The following CALN1 variants were observed in gnomAD, a reference collection of about 807,000 sequenced individuals.
The protein encoded by CALN1 is calneuron 1, also known as calcium-binding protein 8.
A neutral mutation model predicts 30.6 loss-of-function variants in CALN1; 17 were observed. The observed-to-expected ratio is 0.56, with a 90% CI of 0.38 to 0.83. The LOEUF (loss-of-function observed/expected upper bound fraction) is 0.83. CALN1 is among the 40% of genes least tolerant of loss of function. The pLI, the probability that CALN1 is intolerant of heterozygous loss-of-function variation, is 0.00. For missense variants in CALN1, 291 were observed against 354.9 expected, an observed-to-expected ratio of 0.82 and a Z score of 1.45; for synonymous variants, 156 against 131.4, an observed-to-expected ratio of 1.19 and a Z score of -1.28.
chr7:71,792,333 T>C (rs532174086), intron 6 of CALN1, among the ~76,000 whole-genome samples: 1 of 152,268 alleles, frequency 6.6e-6, no homozygotes, highest in African/African-American at 2.4e-5. Flanking sequence ...CTCACCAGTA[T>C]GATACTTGTG....
At chr7:71,921,837 G>A (rs1024292937) in intron 5 of CALN1, among the ~76,000 whole-genome samples, 1 of 135,950 alleles carries the variant, frequency 7.4e-6, no homozygotes, top group African/African-American at 2.8e-5. Flanking sequence ...CCCCCCCGCC[G>A]CCATCCTACC....
intron 5 of CALN1, among the ~76,000 whole-genome samples, chr7:71,822,077 G>C (rs1788627271): frequency 6.6e-6 from 1 of 151,398 alleles, no homozygotes; most frequent in African/African-American, 2.4e-5. Flanking sequence ...CCTTTCTTTT[G>C]GTTTTTAAAC....
chr7:72,028,058 CAAAAAAAAAAAAAA>C (rs34092922), intron 4 of CALN1, among the ~76,000 whole-genome samples: 20,711 of 84,286 alleles, frequency 0.25, 2,568 homozygotes, highest in East Asian at 0.49. Flanking sequence ...GACTCCGTCT[CAAAAAAAAAAAAAA>C]AAAAAAAAAA....
intron 4 of CALN1, among the ~76,000 whole-genome samples, chr7:72,031,124 C>T (rs1801410688): frequency 6.6e-6 from 1 of 152,166 alleles, no homozygotes; most frequent in African/African-American, 2.4e-5. Context: ...GATTCCAGCC[C>T]CAGCAGTCTG....
At chr7:72,144,872 C>T (rs959116671) in intron 3 of CALN1, among the ~76,000 whole-genome samples, 1 of 152,188 alleles carries the variant, frequency 6.6e-6, no homozygotes, top group African/African-American at 2.4e-5. Flanking sequence ...TGAATGACTA[C>T]TGGGTTCATA....
At chr7:72,394,807 G>A (rs979981446) in intron 2 of CALN1, among the ~76,000 whole-genome samples, 1 of 151,594 alleles carries the variant, frequency 6.6e-6, no homozygotes, top group Non-Finnish European at 1.5e-5. Context: ...GACTACAAGG[G>A]TACCAACATG....
intron 5 of CALN1, among the ~76,000 whole-genome samples, chr7:71,865,304 C>A (rs1044968414): frequency 6.6e-6 from 1 of 152,078 alleles, no homozygotes; most frequent in African/African-American, 2.4e-5. Flanking sequence ...TGTGTGACAC[C>A]TCCCCTCTCT....
At chr7:71,965,038 T>A (rs1057065823) in intron 5 of CALN1, among the ~76,000 whole-genome samples, 11 of 152,244 alleles carry the variant, frequency 7.2e-5, no homozygotes, top group Non-Finnish European at 1.3e-4. Context: ...TTTAACTTTT[T>A]AATTTTGGAG....
chr7:72,379,965 A>G (rs1804790266), intron 2 of CALN1, among the ~76,000 whole-genome samples: 1 of 152,218 alleles, frequency 6.6e-6, no homozygotes, highest in African/African-American at 2.4e-5. Context: ...AATTCACTAC[A>G]ACTCTTACCA....
intron 2 of CALN1, among the ~76,000 whole-genome samples, chr7:72,314,352 T>TATATACAC (rs1800269356): frequency 6.9e-5 from 6 of 86,738 alleles, no homozygotes; most frequent in African/African-American, 3.4e-4. Context: ...TATATATACA[T>TATATACAC]ATATATACAT....
intron 3 of CALN1, among the ~76,000 whole-genome samples, chr7:72,130,015 T>C (rs188683605): frequency 2.2e-4 from 34 of 152,258 alleles, no homozygotes; most frequent in Non-Finnish European, 3.8e-4. Flanking sequence ...CTTGCTTTAT[T>C]AGTTCTCTCA....
intron 3 of CALN1, among the ~76,000 whole-genome samples, chr7:72,259,273 T>C (rs118007751): frequency 2.0e-3 from 303 of 152,166 alleles, no homozygotes; most frequent in Non-Finnish European, 3.5e-3. Flanking sequence ...TTAAGTATAA[T>C]GAAGACTCCA....
the CALN1 span, among the ~76,000 whole-genome samples, chr7:72,487,872 GAAAGAAAGAAAGAAAAGA>G: frequency 0.019 from 1,206 of 64,758 alleles, 11 homozygotes; most frequent in East Asian, 0.037. Context: ...AAGAAAGAAA[GAAAGAAAGAAAGAAAAGA>G]AAAGAAAGAA....
upstream of CALN1, among the ~76,000 whole-genome samples, chr7:72,413,096 C>T (rs117615890): frequency 7.6e-3 from 1,164 of 152,266 alleles, 9 homozygotes; most frequent in Non-Finnish European, 0.012. Flanking sequence ...ATCACAGAGG[C>T]AGGTTCTGTT....
At chr7:71,977,002 A>G (rs1237098770) in intron 5 of CALN1, among the ~76,000 whole-genome samples, 1 of 152,192 alleles carries the variant, frequency 6.6e-6, no homozygotes, top group African/African-American at 2.4e-5. Context: ...AACCTTTTCT[A>G]ATAAAAATAC....
At chr7:72,243,878 C>T (rs1310213984) in intron 3 of CALN1, among the ~76,000 whole-genome samples, 1 of 152,198 alleles carries the variant, frequency 6.6e-6, no homozygotes, top group Non-Finnish European at 1.5e-5. Context: ...ACTGCTGAAA[C>T]ATATGACATA....
chr7:72,422,294 T>C (rs1219583398), intron 1 of CALN1, among the ~76,000 whole-genome samples: 1 of 152,198 alleles, frequency 6.6e-6, no homozygotes, highest in Non-Finnish European at 1.5e-5. Flanking sequence ...CCAACGTCTA[T>C]TGTTTTTTGA....
chr7:72,238,254 T>C (rs1030486058), intron 3 of CALN1, among the ~76,000 whole-genome samples: 13 of 152,182 alleles, frequency 8.5e-5, no homozygotes, highest in Non-Finnish European at 1.6e-4. Flanking sequence ...TCCATTTTTT[T>C]CTTTGATTTT....
At chr7:71,815,010 T>C (rs933842446) in intron 5 of CALN1, among the ~76,000 whole-genome samples, 1 of 152,154 alleles carries the variant, frequency 6.6e-6, no homozygotes, top group South Asian at 2.1e-4. Flanking sequence ...ATTTTTTGTA[T>C]TTTTAGTAGA....
Sources: gnomAD v4.1 joint callset for allele counts (sites outside exome capture counted in the v4.1 genomes callset) on GRCh38, gnomAD v4.1.1 for gene constraint, MANE v1.5 for transcripts, NCBI Gene and HGNC (gene_info 2026-07-23, HGNC 2026-07-21) for gene names.